The following ATP9B variants were observed in gnomAD, a reference collection of about 807,000 sequenced individuals.
ATP9B encodes the protein probable phospholipid-transporting ATPase IIB.
Under a neutral mutation model 146.1 loss-of-function variants are expected in ATP9B, and 110 were observed. The observed-to-expected ratio is 0.75, with a 90% confidence interval of 0.65 to 0.88. The LOEUF (loss-of-function observed/expected upper bound fraction) is 0.88. ATP9B is among the 40% of genes least tolerant of loss of function. The pLI is 0.00. For synonymous variants in ATP9B, 604 were observed against 569.7 expected (o/e 1.06, Z -0.86); for missense variants, 1,499 against 1,496.4 (o/e 1.00, Z -0.03).
At chr18:79,308,888 G>GAT (rs2096635193) in intron 15 of ATP9B, among the ~76,000 whole-genome samples, 1 of 122,050 alleles carries the variant, frequency 8.2e-6, no homozygotes, top group African/African-American at 3.5e-5. Context: ...GAAGGTCAGG[G>GAT]GCTGAGGAGT....
intron 25 of ATP9B, among the ~76,000 whole-genome samples, chr18:79,359,102 C>T (rs1274258121): frequency 6.6e-6 from 1 of 152,106 alleles, no homozygotes; most frequent in African/African-American, 2.4e-5. Context: ...ATGATCTCAA[C>T]ATAGAAAGGT....
intron 7 of ATP9B, among the ~76,000 whole-genome samples, chr18:79,166,868 G>A (rs1467804914): frequency 2.0e-5 from 3 of 152,084 alleles, no homozygotes; most frequent in South Asian, 4.1e-4. Flanking sequence ...CACGCCTGCC[G>A]AGGGTGAGCC....
chr18:79,143,841 ACCT>A lies in ATP9B; in HGVS notation c.709_711del (p.Leu237del). ...AAGAGTTCAGACATACAAGTTGGAGACCTCATCATAGTGGAAAAGGTTGATGAT... is the reference window on the plus strand; with the variant it reads ...AAGAGTTCAGACATACAAGTTGGAGACATCATAGTGGAAAAGGTTGATGAT... On this transcript the variant is annotated inframe_deletion, in exon 6 of 30. Transcript: ENST00000426216. 6.3e-7 allele frequency: 1 copy of A among 1,584,890 alleles called. No homozygotes were observed. Among genetic ancestry groups the A allele is most frequent in the Non-Finnish European group, 8.6e-7 (1 of 1,167,480 alleles).
intron 26 of ATP9B, among the ~76,000 whole-genome samples, chr18:79,367,541 T>C (rs898403985): frequency 6.6e-6 from 1 of 151,258 alleles, no homozygotes; most frequent in Admixed American, 6.6e-5. Flanking sequence ...CACAGATATC[T>C]TCACCTCCAC....
chr18:79,336,654 G>T lies in ATP9B; in HGVS notation c.2055G>T (p.Leu685=). 6.2e-7 allele frequency: 1 copy of T among 1,611,796 alleles called. No individual in the cohort carries two copies. The highest frequency in any genetic ancestry group is 8.5e-7 in the Non-Finnish European group (1 of 1,179,080). ...EECGNMAREG[L]RTLVVAKKAL... The stretch of plus-strand genomic sequence containing the variant: ...GCGGAAACATGGCTCGCGAAGGACT[G>T]CGGACCCTCGTGGTTGCAAAGAAGG... The change falls in exon 18 of 30, where the codon CTG becomes CTT. Residue 685 remains leucine, a synonymous_variant. Transcript: ENST00000426216.
At position 79,214,011 on chromosome 18, in the gene ATP9B, A is replaced by G. The variant is rs1405137613; in HGVS notation, c.1080A>G (p.Val360=). 1.2e-6 allele frequency: 2 copies of G among 1,603,882 alleles called. No individual in the cohort carries two copies. Among genetic ancestry groups the G allele is most frequent in the African/African-American group, 1.3e-5 (1 of 74,332 alleles). The part of the protein sequence containing the change: ...VIYTGKETRS[V]MNTSNPKNKV... ...ATACCGGAAAAGAGACTCGAAGTGT[A>G]ATGAACACATCCAATCCAAAAAATA... The change falls in exon 11 of 30, where the codon GTA becomes GTG. Residue 360 remains valine (V), a synonymous_variant. Transcript: ENST00000426216.
intron 1 of ATP9B, among the ~76,000 whole-genome samples, chr18:79,073,930 C>T (rs1051977703): frequency 2.0e-5 from 3 of 152,100 alleles, no homozygotes; most frequent in Non-Finnish European, 2.9e-5. Context: ...ATTCAGATTG[C>T]GAATGTTCTG....
intron 1 of ATP9B, among the ~76,000 whole-genome samples, chr18:79,092,773 C>T (rs1192017491): frequency 1.3e-5 from 2 of 151,350 alleles, no homozygotes; most frequent in African/African-American, 4.9e-5. Context: ...CAGTAACACA[C>T]GGAGCTGTCA....
intron 4 of ATP9B, among the ~76,000 whole-genome samples, chr18:79,114,571 G>A (rs2094031671): frequency 6.6e-6 from 1 of 152,190 alleles, no homozygotes; most frequent in Admixed American, 6.5e-5. Flanking sequence ...AAGCCATGCT[G>A]AGGGAAATTT....
At chr18:79,104,648 A>C (rs1285884316) in intron 2 of ATP9B, among the ~76,000 whole-genome samples, 1 of 152,186 alleles carries the variant, frequency 6.6e-6, no homozygotes, top group African/African-American at 2.4e-5. Context: ...AATATTAAGA[A>C]TATACTTGAA....
chr18:79,256,286 T>TACACACAC (rs1555791765), intron 12 of ATP9B, among the ~76,000 whole-genome samples: 5 of 123,070 alleles, frequency 4.1e-5, no homozygotes, highest in African/African-American at 1.6e-4. Context: ...TATATATATA[T>TACACACAC]ACATACATAG....
In ATP9B at chr18:79,377,421, T is replaced by G; in HGVS notation, c.*38T>G. The G allele has an allele frequency of 6.3e-7, 1 of 1,599,002 alleles. No homozygotes were observed. The highest frequency in any genetic ancestry group is 1.1e-5 in the South Asian group (1 of 90,946). On this transcript the variant is annotated 3_prime_UTR_variant, in exon 30 of 30. Coordinates refer to ENST00000426216, the MANE Select transcript of ATP9B (RefSeq NM_198531.5). ...CCCCAGCGGGCTGGCCCCAGCACCTTCTGCCCTTCCCAGCACCTTGTGCCC... is the reference window on the plus strand; with the variant it reads ...CCCCAGCGGGCTGGCCCCAGCACCTGCTGCCCTTCCCAGCACCTTGTGCCC...
intron 12 of ATP9B, among the ~76,000 whole-genome samples, chr18:79,262,923 T>G (rs1311855568): frequency 6.6e-6 from 1 of 152,236 alleles, no homozygotes; most frequent in Admixed American, 6.5e-5. Context: ...GCACAATTCA[T>G]TTCATTTCTT....
chr18:79,267,809 A>G (rs768621134), intron 12 of ATP9B, among the ~76,000 whole-genome samples: 1 of 152,058 alleles, frequency 6.6e-6, no homozygotes, highest in Non-Finnish European at 1.5e-5. Context: ...GTGTGCTTCA[A>G]AACAACTTGC....
At chr18:79,254,233 A>C (rs2096057706) in intron 12 of ATP9B, 2 of 152,310 alleles carry the variant, frequency 1.3e-5, no homozygotes, top group African/African-American at 4.8e-5. Flanking sequence ...CAGAGAATGG[A>C]CTAAAACGGT....
chr18:79,260,954 C>G (rs2096134261), intron 12 of ATP9B, among the ~76,000 whole-genome samples: 1 of 152,124 alleles, frequency 6.6e-6, no homozygotes, highest in South Asian at 2.1e-4. Context: ...TATCCTTGTC[C>G]CACCACTGTA....
In ATP9B at chr18:79,327,485, G is replaced by GCTCTCCGTGGTTAGTGTGCT. The variant is rs1568696191; in HGVS notation, c.1774-1649_1774-1630dup. ...TTAGCGTGTTCTCCGTGGTTAGCGT[G>GCTCTCCGTGGTTAGTGTGCT]CTCTCCGTGGTTAGTGTGCTCTCTC... On this transcript the variant is annotated intron_variant, in intron 15 of 29. Transcript: ENST00000426216. Among the ~76,000 whole-genome samples the GCTCTCCGTGGTTAGTGTGCT allele has an allele frequency of 3.0e-4, 45 of 150,770 alleles. 1 individual carries two copies. Among genetic ancestry groups the GCTCTCCGTGGTTAGTGTGCT allele is most frequent in the Non-Finnish European group, 5.2e-4 (35 of 67,512 alleles).
chr18:79,345,409 C>T lies in ATP9B; in HGVS notation c.2473-19C>T. ...TGTTGTCGACCATAAGGCAAAATAA[C>T]ACAGGCTTTGTTTTCCAGGTTTGTC... On this transcript the variant is annotated intron_variant, in intron 21 of 29. Transcript: ENST00000426216. The T allele has an allele frequency of 6.2e-7, 1 of 1,611,624 alleles. No homozygotes were observed. The highest frequency in any genetic ancestry group is 8.5e-7 in the Non-Finnish European group (1 of 1,178,318).
At chr18:79,315,048 C>T (rs1484595733) in intron 15 of ATP9B, among the ~76,000 whole-genome samples, 2 of 152,208 alleles carry the variant, frequency 1.3e-5, no homozygotes, top group Non-Finnish European at 2.9e-5. Flanking sequence ...CATTCTTTTC[C>T]CTCTGTGGCT....
Sources: gnomAD v4.1 joint callset for allele counts (sites outside exome capture counted in the v4.1 genomes callset) on GRCh38, gnomAD v4.1.1 for gene constraint, MANE v1.5 for transcripts, NCBI Gene and HGNC (gene_info 2026-07-23, HGNC 2026-07-21) for gene names.